Variants in AGBL1 observed in about 807,000 individuals in gnomAD.
The protein encoded by AGBL1 is AGBL carboxypeptidase 1.
Under a neutral mutation model 118.9 loss-of-function variants are expected in AGBL1, and 130 were observed. That is an observed-to-expected ratio of 1.09 (90% CI 0.95 to 1.26). The LOEUF is 1.26. Among genes scored for constraint, AGBL1 ranks in the 50% most tolerant of loss-of-function variants. The pLI is 0.00. For synonymous variants in AGBL1, 555 were observed against 478.9 expected (o/e 1.16, Z -2.08); for missense variants, 1,584 against 1,298.1 (o/e 1.22, Z -3.38).
intron 19 of AGBL1, among the ~76,000 whole-genome samples, chr15:86,532,345 G>C (rs1009360539): frequency 3.3e-5 from 5 of 151,260 alleles, no homozygotes; most frequent in African/African-American, 1.2e-4. Context: ...AATCATGAGT[G>C]AACTCCCATT....
chr15:86,278,387 G>T (rs542663999), intron 15 of AGBL1, among the ~76,000 whole-genome samples: 1 of 152,100 alleles, frequency 6.6e-6, no homozygotes, highest in Non-Finnish European at 1.5e-5. Flanking sequence ...GAAGATAAAG[G>T]TATCAGGCCA....
At chr15:86,242,174 C>T (rs1268724085) in intron 6 of AGBL1, among the ~76,000 whole-genome samples, 1 of 152,136 alleles carries the variant, frequency 6.6e-6, no homozygotes, top group African/African-American at 2.4e-5. Context: ...TCAATTAAAC[C>T]TCTTTCCTTT....
At chr15:86,712,719 G>C (rs2086580093) in intron 22 of AGBL1, among the ~76,000 whole-genome samples, 1 of 152,176 alleles carries the variant, frequency 6.6e-6, no homozygotes, top group Non-Finnish European at 1.5e-5. Context: ...GTAAGGTGCT[G>C]ATTGGAACAC....
chr15:86,249,290 C>T (rs1462760384), intron 7 of AGBL1, among the ~76,000 whole-genome samples: 1 of 152,104 alleles, frequency 6.6e-6, no homozygotes, highest in Non-Finnish European at 1.5e-5. Context: ...CTCTGGACAC[C>T]CTCCAGTTTT....
At chr15:86,821,266 T>A (rs1392003119) in intron 22 of AGBL1, among the ~76,000 whole-genome samples, 1 of 152,126 alleles carries the variant, frequency 6.6e-6, no homozygotes, top group Non-Finnish European at 1.5e-5. Flanking sequence ...CCATGGCACG[T>A]GTATACCTAT....
At chr15:86,541,663 C>A (rs1281566430) in intron 19 of AGBL1, among the ~76,000 whole-genome samples, 1 of 146,978 alleles carries the variant, frequency 6.8e-6, no homozygotes, top group African/African-American at 2.5e-5. Context: ...TAGAATAGGA[C>A]ATCATGCAAA....
At position 86,269,955 on chromosome 15, in the gene AGBL1, T is replaced by A; in HGVS notation, c.1875T>A (p.Asn625Lys). 1 of 1,613,972 alleles carries A rather than the reference T, an allele frequency of 6.2e-7. No individual in the cohort carries two copies. Among genetic ancestry groups the A allele is most frequent in the South Asian group, 1.1e-5 (1 of 91,064 alleles). The change falls in exon 14 of 23, where the codon AAT becomes AAA. Residue 625 changes from asparagine to lysine, a missense_variant. By Grantham distance (94) the Asn-to-Lys change is moderately conservative. Coordinates refer to ENST00000614907, the MANE Select transcript of AGBL1 (RefSeq NM_001386094.1). ...EYDLLVNADV[N>K]STQHQQWFYF... ...ACTTGCTGGTCAACGCAGATGTGAATAGCACCCAGCACCAGCAGTGGTTCT... is the reference window on the plus strand; with the variant it reads ...ACTTGCTGGTCAACGCAGATGTGAAAAGCACCCAGCACCAGCAGTGGTTCT...
chr15:86,082,614 C>A (rs956615828), intron 1 of AGBL1, among the ~76,000 whole-genome samples: 1 of 152,222 alleles, frequency 6.6e-6, no homozygotes, highest in East Asian at 1.9e-4. Context: ...TCTTTAGGGG[C>A]ATAAAATAAA....
At position 86,270,041 on chromosome 15, in the gene AGBL1, A is replaced by C. The variant is rs1039957162; in HGVS notation, c.1961A>C (p.Glu654Ala). The stretch of plus-strand genomic sequence containing the variant: ...TACCACTTCAACATCATCAACTGTG[A>C]GAAGCCCAACAGCCAGTTTAATTAT... ...IPYHFNIINC[E>A]KPNSQFNYGM... Residue 654 changes from glutamate (E) to alanine (A), a missense_variant, in exon 14 of 23, where the codon GAG (glutamate) becomes GCG (alanine). By Grantham distance (107) the Glu-to-Ala change is moderately radical. Transcript: ENST00000614907. 6.2e-7 allele frequency: 1 copy of C among 1,612,812 alleles called. No homozygotes were observed. The highest frequency in any genetic ancestry group is 1.3e-5 in the African/African-American group (1 of 74,926).
chr15:86,689,826 G>T (rs752727826), intron 22 of AGBL1, among the ~76,000 whole-genome samples: 1 of 152,112 alleles, frequency 6.6e-6, no homozygotes, highest in Admixed American at 6.6e-5. Context: ...ATACTAAAAA[G>T]ATAAAAGTGG....
intron 19 of AGBL1, among the ~76,000 whole-genome samples, chr15:86,525,060 C>A (rs2083244740): frequency 6.6e-6 from 1 of 151,980 alleles, no homozygotes; most frequent in Non-Finnish European, 1.5e-5. Context: ...AAGTCTCAGG[C>A]TACAAAATCA....
intron 18 of AGBL1, among the ~76,000 whole-genome samples, chr15:86,443,694 C>T (rs546148125): frequency 2.0e-5 from 3 of 152,278 alleles, no homozygotes; most frequent in African/African-American, 7.2e-5. Context: ...TGAAAGAAAA[C>T]ATAGTATTTC....
chr15:86,318,525 T>C (rs1567196532), intron 17 of AGBL1, among the ~76,000 whole-genome samples: 1 of 151,912 alleles, frequency 6.6e-6, no homozygotes, highest in Non-Finnish European at 1.5e-5. Flanking sequence ...CACAGACGTG[T>C]GTAGCTATTA....
chr15:86,580,047 G>T (rs2084152324), intron 21 of AGBL1, among the ~76,000 whole-genome samples: 1 of 152,124 alleles, frequency 6.6e-6, no homozygotes, highest in Non-Finnish European at 1.5e-5. Context: ...AGCTGTGTTT[G>T]GCTTGATAGA....
At chr15:86,834,390 C>T (rs562475416) in intron 22 of AGBL1, among the ~76,000 whole-genome samples, 19 of 152,256 alleles carry the variant, frequency 1.2e-4, no homozygotes, top group Non-Finnish European at 2.4e-4. Context: ...AGCTCTATGG[C>T]ACCAGGGAAT....
At position 86,869,955 on chromosome 15, in the gene AGBL1, C is replaced by A. The variant is rs1016474550; in HGVS notation, c.3159-37132C>A. 7.9e-5 allele frequency among the ~76,000 whole-genome samples: 12 copies of A among 152,146 alleles called. 1 individual carries two copies. Among genetic ancestry groups the A allele is most frequent in the Non-Finnish European group, 1.5e-4 (10 of 68,026 alleles). ...CCTGGACTTATGTCCAGCAGAGCTG[C>A]AAAATAGGCTAATCCATTGCCCGCA... is the stretch of plus-strand genomic sequence containing the variant. On this transcript the variant is annotated intron_variant, in intron 22 of 22. Coordinates refer to ENST00000614907, the MANE Select transcript of AGBL1 (RefSeq NM_001386094.1).
chr15:86,259,783 C>G (rs191040501), intron 9 of AGBL1, among the ~76,000 whole-genome samples: 18 of 151,450 alleles, frequency 1.2e-4, no homozygotes, highest in Admixed American at 1.0e-3. Context: ...ATCAATGCCA[C>G]TTTCCCCTCC....
chr15:86,334,141 A>G (rs771653169), intron 17 of AGBL1, among the ~76,000 whole-genome samples: 25 of 152,178 alleles, frequency 1.6e-4, no homozygotes, highest in Non-Finnish European at 3.1e-4. Flanking sequence ...GCCCTCTCTC[A>G]CCACTCCTAT....
At chr15:86,435,044 C>T (rs947553645) in intron 18 of AGBL1, among the ~76,000 whole-genome samples, 2 of 152,072 alleles carry the variant, frequency 1.3e-5, no homozygotes, top group Non-Finnish European at 2.9e-5. Flanking sequence ...GTAAATCCAT[C>T]GAACTGAAAT....
Sources: gnomAD v4.1 joint callset for allele counts (sites outside exome capture counted in the v4.1 genomes callset) on GRCh38, gnomAD v4.1.1 for gene constraint, MANE v1.5 for transcripts, NCBI Gene and HGNC (gene_info 2026-07-23, HGNC 2026-07-21) for gene names.